UBASH3B: variants seen among roughly 807,000 people sequenced by gnomAD.
The protein encoded by UBASH3B is ubiquitin associated and SH3 domain containing B.
Under a neutral mutation model 83.4 loss-of-function variants are expected in UBASH3B, and 37 were observed. The observed-to-expected ratio is 0.44, with a 90% CI of 0.34 to 0.58. The LOEUF (loss-of-function observed/expected upper bound fraction) is 0.58. Ranked by LOEUF, UBASH3B falls within the 20% of genes least tolerant of loss-of-function variation. The pLI is 0.01. For synonymous variants in UBASH3B, 304 were observed against 318.3 expected, an observed-to-expected ratio of 0.96 and a Z score of 0.48; for missense variants, 657 against 827.2, an observed-to-expected ratio of 0.79 and a Z score of 2.52.
At chr11:122,718,333 G>C (rs1003580227) in intron 1 of UBASH3B, among the ~76,000 whole-genome samples, 2 of 152,154 alleles carry the variant, frequency 1.3e-5, no homozygotes, top group African/African-American at 4.8e-5. Context: ...ACTTAACATA[G>C]AGCCCTGGCG....
At chr11:122,724,227 G>A (rs537350641) in intron 1 of UBASH3B, among the ~76,000 whole-genome samples, 9 of 152,328 alleles carry the variant, frequency 5.9e-5, no homozygotes, top group Admixed American at 1.3e-4. Flanking sequence ...TTGTCACTGT[G>A]CCTCGGTGTA....
At chr11:122,709,525 G>A (rs1160605918) in intron 1 of UBASH3B, 1 of 152,208 alleles carries the variant, frequency 6.6e-6, no homozygotes, top group African/African-American at 2.4e-5. Flanking sequence ...GAACATGTGT[G>A]GGTGTTGGAG....
rs929405208 is a variant in UBASH3B at position 122,759,405 on chromosome 11, G to A, written c.162-16814G>A. The stretch of plus-strand genomic sequence containing the variant: ...CAGTTTTTCCACTGACCCGGGTGGT[G>A]GTGTGATGGTTTGGGGATGATTCAA... On this transcript the variant is annotated intron_variant, in intron 1 of 13. Transcript: ENST00000284273. The surrounding 1 kb of genome is among the most constrained non-coding windows in gnomAD (Gnocchi z 4.1). Among the ~76,000 whole-genome samples the A allele has an allele frequency of 6.6e-6, 1 of 152,128 alleles. No homozygotes were observed.
intron 1 of UBASH3B, among the ~76,000 whole-genome samples, chr11:122,710,466 C>T (rs569333176): frequency 4.5e-4 from 69 of 152,310 alleles, no homozygotes; most frequent in African/African-American, 1.6e-3. Flanking sequence ...AGTCTCATCC[C>T]ATTTCTTGAA....
At chr11:122,774,400 A>T (rs1200858505) in intron 1 of UBASH3B, 1 of 792,196 alleles carries the variant, frequency 1.3e-6, no homozygotes, top group African/African-American at 1.9e-5. Flanking sequence ...GAGCAGAACA[A>T]CAGAGGCTGG....
At chr11:122,748,580 T>C in intron 1 of UBASH3B, among the ~76,000 whole-genome samples, 1 of 152,232 alleles carries the variant, frequency 6.6e-6, no homozygotes, top group East Asian at 1.9e-4. Context: ...ATGCAATTTA[T>C]TACTACAAAG....
chr11:122,677,286 T>A (rs904268683), intron 1 of UBASH3B, among the ~76,000 whole-genome samples: 1 of 152,230 alleles, frequency 6.6e-6, no homozygotes, highest in Non-Finnish European at 1.5e-5. Flanking sequence ...GATTTCGATA[T>A]CTGAGGGAGG....
At chr11:122,710,834 G>A (rs1485239903) in intron 1 of UBASH3B, among the ~76,000 whole-genome samples, 1 of 151,894 alleles carries the variant, frequency 6.6e-6, no homozygotes, top group Non-Finnish European at 1.5e-5. Flanking sequence ...GGAACCCCAG[G>A]TGGGTAGGCT....
chr11:122,796,032 T>C, intron 7 of UBASH3B, 124 bp from the exon 8 acceptor site: 1 of 1,232,418 alleles, frequency 8.1e-7, no homozygotes, highest in Non-Finnish European at 1.2e-6. Flanking sequence ...CGAGTCTTAC[T>C]GTCCTCACCA....
At chr11:122,753,501 T>C (rs1001307922) in intron 1 of UBASH3B, among the ~76,000 whole-genome samples, 18 of 147,448 alleles carry the variant, frequency 1.2e-4, no homozygotes, top group Non-Finnish European at 1.8e-4. Flanking sequence ...TTCTTTCTTT[T>C]TTTTTTTTTT....
In UBASH3B at chr11:122,783,048, T is replaced by C. The variant is rs761178479; in HGVS notation, c.602-5T>C. 1.2e-6 allele frequency: 2 copies of C among 1,609,974 alleles called. No homozygotes were observed. Among genetic ancestry groups the C allele is most frequent in the Non-Finnish European group, 1.7e-6 (2 of 1,178,458 alleles). Reference sequence around the variant, plus strand: ...AATTACTGACCTTTTTCTTCCTTTTTCCAGAAGTGCATGTGGAACCTCATA... The same window carrying C: ...AATTACTGACCTTTTTCTTCCTTTTCCCAGAAGTGCATGTGGAACCTCATA... On this transcript the variant is annotated splice_polypyrimidine_tract_variant and splice_region_variant and intron_variant, in intron 4 of 13. Transcript: ENST00000284273.
chr11:122,684,840 C>CAAGGGTTAGGA lies in UBASH3B; in HGVS notation c.161+28631_161+28632insAGGGTTAGGAA, dbSNP rs1863788813. 2.0e-5 allele frequency among the ~76,000 whole-genome samples: 3 copies of CAAGGGTTAGGA among 152,156 alleles called. No individual in the cohort carries two copies. The South Asian group carries it at 6.2e-4, about 32-fold the overall frequency. On this transcript the variant is annotated intron_variant, in intron 1 of 13. Transcript: ENST00000284273. Reference sequence around the variant, plus strand: ...CTCGAACTCCTGACCTCAGGTGATCCACCCGCCTTGGCCTCCCAAAATGCT... The same window carrying CAAGGGTTAGGA: ...CTCGAACTCCTGACCTCAGGTGATCCAAGGGTTAGGAACCCGCCTTGGCCTCCCAAAATGCT...
intron 3 of UBASH3B, 121 bp downstream of exon 3, chr11:122,777,331 A>C: frequency 9.1e-7 from 1 of 1,099,140 alleles, no homozygotes; most frequent in Non-Finnish European, 1.3e-6. Flanking sequence ...AGGCTCCTAC[A>C]GCTGGAGGGA....
rs58490731 is a variant in UBASH3B, at chr11:122,683,608, A to AT, written c.161+27398_161+27399insT. ...GGACAGAGCGAGACTCCTTCTCAAA[A>AT]AAAAAAAAAAATAATAATAATAAAA... On this transcript the variant is annotated intron_variant, in intron 1 of 13. Transcript: ENST00000284273. Among the ~76,000 whole-genome samples, 170 of 148,090 alleles carry AT rather than the reference A, an allele frequency of 1.1e-3. 1 individual carries two copies. Among genetic ancestry groups the AT allele is most frequent in the South Asian group, 2.3e-3 (11 of 4,708 alleles).
intron 6 of UBASH3B, among the ~76,000 whole-genome samples, chr11:122,793,264 T>G (rs1259436176): frequency 6.6e-6 from 1 of 152,086 alleles, no homozygotes; most frequent in African/African-American, 2.4e-5. Flanking sequence ...ACGCCTGTAA[T>G]CCCAGCTACT....
At chr11:122,719,316 TAAATTTAACCAGG>T (rs1406233263) in intron 1 of UBASH3B, among the ~76,000 whole-genome samples, 1 of 152,248 alleles carries the variant, frequency 6.6e-6, no homozygotes, top group Non-Finnish European at 1.5e-5. Flanking sequence ...ACATCTGTGC[TAAATTTAACCAGG>T]AAATTTGGGA....
rs1861475415 is a variant in UBASH3B, at chr11:122,812,961, G to A, written c.*3075G>A. On this transcript the variant is annotated 3_prime_UTR_variant, in exon 14 of 14. Coordinates refer to ENST00000284273, the MANE Select transcript of UBASH3B (RefSeq NM_032873.5). ...ATAGAATCTGAATGGCTGATTAAAT[G>A]GCCATCTGATGGCTGAAAGAGGGGC... The A allele has an allele frequency of 6.6e-6, 1 of 152,544 alleles. No homozygotes were observed. The highest frequency in any genetic ancestry group is 2.4e-5 in the African/African-American group (1 of 41,422). 9.4% of individuals were successfully genotyped at this position (152,544 alleles called of 1,614,324 possible).
At chr11:122,746,583 A>G (rs966146107) in intron 1 of UBASH3B, among the ~76,000 whole-genome samples, 6 of 152,240 alleles carry the variant, frequency 3.9e-5, no homozygotes, top group Admixed American at 2.0e-4. Flanking sequence ...AATGCTTCCA[A>G]TGTAGTGGGA....
At chr11:122,679,753 T>G (rs1863714684) in intron 1 of UBASH3B, among the ~76,000 whole-genome samples, 1 of 152,248 alleles carries the variant, frequency 6.6e-6, no homozygotes, top group African/African-American at 2.4e-5. Flanking sequence ...AAAGTTTATT[T>G]GTGGGCACTG....
Sources: allele counts gnomAD v4.1 joint callset (sites outside exome capture counted in the v4.1 genomes callset), GRCh38; gene constraint gnomAD v4.1.1; non-coding constraint Gnocchi (gnomAD v3.1); transcripts MANE v1.5; gene names NCBI Gene and HGNC (gene_info 2026-07-23, HGNC 2026-07-21).